RNGTT: variants seen among roughly 807,000 people sequenced by gnomAD.
RNGTT encodes mRNA-capping enzyme.
In RNGTT, 33 loss-of-function variants were observed where a neutral mutation model predicts 79.3. The observed-to-expected ratio is 0.42, with a 90% CI of 0.32 to 0.56. The LOEUF is 0.56. Ranked by LOEUF, RNGTT falls within the 20% of genes least tolerant of loss-of-function variation. The pLI, the probability that RNGTT is intolerant of heterozygous loss-of-function variation, is 0.17. For synonymous variants in RNGTT, 222 were observed against 235.9 expected (o/e 0.94, Z 0.54); for missense variants, 497 against 739.1 (o/e 0.67, Z 3.80).
At chr6:88,931,579 C>T (rs1207214258) in intron 2 of RNGTT, among the ~76,000 whole-genome samples, 3 of 152,106 alleles carry the variant, frequency 2.0e-5, no homozygotes, top group African/African-American at 7.2e-5. Context: ...CTAAGAATCA[C>T]ACCTTGGGCA....
At chr6:88,628,046 G>C (rs555554645) in intron 14 of RNGTT, among the ~76,000 whole-genome samples, 1 of 152,200 alleles carries the variant, frequency 6.6e-6, no homozygotes, top group Non-Finnish European at 1.5e-5. Flanking sequence ...AAGAAATCTT[G>C]AAGTTATTGA....
At chr6:88,754,695 G>A (rs1430039306) in intron 13 of RNGTT, among the ~76,000 whole-genome samples, 2 of 152,220 alleles carry the variant, frequency 1.3e-5, no homozygotes, top group East Asian at 3.9e-4. Flanking sequence ...TTACTGGAAT[G>A]AGGTCAAGGA....
In RNGTT at chr6:88,771,315, G is replaced by GTGTGTGTGTATATA. The variant is rs1303688973; in HGVS notation, c.1339-1442_1339-1441insTATATACACACACA. Among the ~76,000 whole-genome samples the GTGTGTGTGTATATA allele has an allele frequency of 6.8e-4, 42 of 62,068 alleles. 1 individual carries two copies. The highest frequency in any genetic ancestry group is 9.9e-4 in the East Asian group (2 of 2,018). 40.7% of individuals were successfully genotyped at this position (62,068 alleles called of 152,430 possible). The stretch of plus-strand genomic sequence containing the variant: ...ACTGTATGTATGTATGTGTGTGTGT[G>GTGTGTGTGTATATA]TATATATATATATATATATATATAT... On this transcript the variant is annotated intron_variant, in intron 12 of 15. Coordinates refer to ENST00000369485, the MANE Select transcript of RNGTT (RefSeq NM_003800.5).
intron 14 of RNGTT, among the ~76,000 whole-genome samples, chr6:88,647,638 A>AACCC (rs1773619204): frequency 6.7e-6 from 1 of 148,634 alleles, no homozygotes; most frequent in African/African-American, 2.6e-5. Flanking sequence ...CTTGAGCCTG[A>AACCC]AAGTTTGAGG....
At chr6:88,890,157 C>G (rs1471617630) in intron 8 of RNGTT, among the ~76,000 whole-genome samples, 1 of 151,978 alleles carries the variant, frequency 6.6e-6, no homozygotes, top group Non-Finnish European at 1.5e-5. Flanking sequence ...ATCTATTAAC[C>G]TCAACATGTC....
At chr6:88,855,303 C>A (rs1453531424) in intron 8 of RNGTT, among the ~76,000 whole-genome samples, 1 of 152,120 alleles carries the variant, frequency 6.6e-6, no homozygotes, top group Non-Finnish European at 1.5e-5. Flanking sequence ...GGATAACTGG[C>A]TAACCACAAA....
At chr6:88,677,272 GC>G (rs1395336078) in intron 14 of RNGTT, among the ~76,000 whole-genome samples, 5 of 144,936 alleles carry the variant, frequency 3.4e-5, no homozygotes, top group African/African-American at 1.3e-4. Flanking sequence ...ATTACTGGTT[GC>G]CTGGAGACCA....
At chr6:88,759,925 C>T (rs1306404744) in intron 13 of RNGTT, among the ~76,000 whole-genome samples, 3 of 151,948 alleles carry the variant, frequency 2.0e-5, no homozygotes, top group Non-Finnish European at 2.9e-5. Flanking sequence ...ATATAATATC[C>T]ACCAGGTAAC....
At chr6:88,729,009 T>C (rs960232804) in intron 13 of RNGTT, among the ~76,000 whole-genome samples, 2 of 152,138 alleles carry the variant, frequency 1.3e-5, no homozygotes, top group East Asian at 3.9e-4. Context: ...CGACCGGGCG[T>C]GGGCTGCATG....
intron 14 of RNGTT, among the ~76,000 whole-genome samples, chr6:88,651,690 T>C (rs1166524168): frequency 1.3e-5 from 2 of 151,934 alleles, no homozygotes; most frequent in African/African-American, 2.4e-5. Context: ...TATATATAAA[T>C]ACATTAAATT....
At chr6:88,929,647 T>G (rs148927268) in intron 2 of RNGTT, among the ~76,000 whole-genome samples, 1 of 152,066 alleles carries the variant, frequency 6.6e-6, no homozygotes, top group Non-Finnish European at 1.5e-5. Context: ...ATGGCATCTA[T>G]CTGAAGTATA....
intron 13 of RNGTT, among the ~76,000 whole-genome samples, chr6:88,722,348 A>G (rs1007476255): frequency 1.3e-5 from 2 of 152,134 alleles, no homozygotes; most frequent in Non-Finnish European, 2.9e-5. Context: ...GCAAGTCATC[A>G]TTCCCACTCT....
intron 14 of RNGTT, among the ~76,000 whole-genome samples, chr6:88,614,774 A>T (rs1772158484): frequency 6.6e-6 from 1 of 152,192 alleles, no homozygotes; most frequent in Non-Finnish European, 1.5e-5. Flanking sequence ...AACTTTCAGA[A>T]AGGTCTAACC....
intron 1 of RNGTT, among the ~76,000 whole-genome samples, chr6:88,950,852 C>A (rs1198231595): frequency 6.9e-6 from 1 of 144,472 alleles, no homozygotes; most frequent in East Asian, 2.3e-4. Flanking sequence ...AAATAAATAA[C>A]TGTTTTTGGT....
intron 13 of RNGTT, among the ~76,000 whole-genome samples, chr6:88,695,698 CTT>C (rs1377215718): frequency 2.0e-5 from 3 of 152,136 alleles, no homozygotes; most frequent in African/African-American, 7.2e-5. Context: ...TATCTGCACT[CTT>C]GTGTTTACTG....
chr6:88,797,381 A>C (rs535038302), intron 12 of RNGTT, among the ~76,000 whole-genome samples: 1 of 152,286 alleles, frequency 6.6e-6, no homozygotes, highest in South Asian at 2.1e-4. Flanking sequence ...AGATCACTCA[A>C]ATCAAAAAAG....
chr6:88,637,879 C>T (rs1773157956), intron 14 of RNGTT, among the ~76,000 whole-genome samples: 1 of 152,008 alleles, frequency 6.6e-6, no homozygotes, highest in Non-Finnish European at 1.5e-5. Flanking sequence ...CCATACAATT[C>T]AAAAAGTAAT....
chr6:88,791,089 G>A (rs535308831), intron 12 of RNGTT, among the ~76,000 whole-genome samples: 1 of 151,758 alleles, frequency 6.6e-6, no homozygotes, highest in South Asian at 2.1e-4. Flanking sequence ...TCAAGGGCAG[G>A]GGAGATTATT....
chr6:88,890,788 G>A (rs758690270), intron 7 of RNGTT, among the ~76,000 whole-genome samples, 192 bp from the exon 8 acceptor site: 3 of 152,128 alleles, frequency 2.0e-5, no homozygotes, highest in Non-Finnish European at 2.9e-5. Context: ...ATTTTAGAAT[G>A]CAAGTTAACA....
Sources: gnomAD v4.1 joint callset for allele counts (sites outside exome capture counted in the v4.1 genomes callset) on GRCh38, gnomAD v4.1.1 for gene constraint, MANE v1.5 for transcripts, NCBI Gene and HGNC (gene_info 2026-07-23, HGNC 2026-07-21) for gene names.